Variants in OPCML observed in about 807,000 individuals in gnomAD.
OPCML encodes opioid binding protein/cell adhesion molecule like.
A neutral mutation model predicts 37.8 loss-of-function variants in OPCML; 13 were observed. The ratio of observed to expected loss-of-function variants is 0.34; its 90% CI spans 0.22 to 0.55. The LOEUF (loss-of-function observed/expected upper bound fraction) is 0.55, where lower values mean the gene tolerates loss of function less well. Ranked by LOEUF, OPCML falls within the 20% of genes least tolerant of loss-of-function variation. The pLI is 0.91. For synonymous variants in OPCML, 176 were observed against 168.8 expected (o/e 1.04, Z -0.33); for missense variants, 341 against 435.6 (o/e 0.78, Z 1.93).
chr11:132,512,909 T>C (rs763042720), intron 4 of OPCML, among the ~76,000 whole-genome samples: 2 of 151,966 alleles, frequency 1.3e-5, no homozygotes, highest in East Asian at 1.9e-4. Context: ...TTGATTAGGA[T>C]AGTGATTATA....
In OPCML at chr11:133,214,926, G is replaced by A. The variant is rs76841933; in HGVS notation, c.62-271916C>T. 4.1e-4 allele frequency among the ~76,000 whole-genome samples: 62 copies of A among 152,148 alleles called. No individual in the cohort carries two copies. The East Asian group carries it at 0.01, about 25-fold the overall frequency. ...CAAATGAGGCAATCTCTGACCCCTC[G>A]TTGGGCACCCAGAGCATATAAATAG... is the stretch of plus-strand genomic sequence containing the variant. On this transcript the variant is annotated intron_variant, in intron 1 of 7. Transcript: ENST00000524381.
intron 2 of OPCML, among the ~76,000 whole-genome samples, chr11:132,821,475 A>G (rs188425428): frequency 6.6e-6 from 1 of 152,342 alleles, no homozygotes; most frequent in East Asian, 1.9e-4. Context: ...GGGCAGCTAC[A>G]GGGAAGAGAA....
intron 3 of OPCML, among the ~76,000 whole-genome samples, chr11:132,547,131 C>T (rs1011579069): frequency 1.3e-5 from 2 of 152,156 alleles, no homozygotes; most frequent in African/African-American, 4.8e-5. Flanking sequence ...AAAAACCATG[C>T]TTGGCACATA....
intron 2 of OPCML, among the ~76,000 whole-genome samples, chr11:132,812,418 C>A (rs934431186): frequency 6.6e-5 from 10 of 152,048 alleles, no homozygotes; most frequent in African/African-American, 2.4e-4. Flanking sequence ...AAAGAAATAG[C>A]GTTGACACTC....
At chr11:132,842,454 T>C (rs193242339) in intron 2 of OPCML, among the ~76,000 whole-genome samples, 27 of 152,328 alleles carry the variant, frequency 1.8e-4, no homozygotes, top group African/African-American at 6.0e-4. Context: ...ACAAACTTGG[T>C]TTGAGGACCA....
At chr11:133,030,744 T>C (rs1185171362) in intron 1 of OPCML, among the ~76,000 whole-genome samples, 1 of 152,196 alleles carries the variant, frequency 6.6e-6, no homozygotes, top group Admixed American at 6.5e-5. Flanking sequence ...TATTTGGAGA[T>C]GATTTCAATG....
At chr11:132,753,958 T>C (rs145204172) in intron 2 of OPCML, among the ~76,000 whole-genome samples, 1 of 152,296 alleles carries the variant, frequency 6.6e-6, no homozygotes, top group East Asian at 1.9e-4. Flanking sequence ...AAGAGGCATG[T>C]TAAGTGGTAA....
intron 1 of OPCML, among the ~76,000 whole-genome samples, chr11:133,091,414 G>T (rs977274684): frequency 6.6e-6 from 1 of 152,142 alleles, no homozygotes. Context: ...AGAGTGCAAC[G>T]CCAGCCTGGG....
chr11:133,293,424 G>C (rs1942537417), intron 1 of OPCML, among the ~76,000 whole-genome samples: 1 of 152,164 alleles, frequency 6.6e-6, no homozygotes, highest in South Asian at 2.1e-4. Flanking sequence ...ATAGCTTTCA[G>C]ACTGAAGAGT....
At chr11:133,034,671 A>T (rs1947743142) in intron 1 of OPCML, among the ~76,000 whole-genome samples, 1 of 152,082 alleles carries the variant, frequency 6.6e-6, no homozygotes, top group Non-Finnish European at 1.5e-5. Flanking sequence ...CTCCAAGGAG[A>T]TCTATGATGC....
intron 1 of OPCML, among the ~76,000 whole-genome samples, chr11:133,209,507 A>T (rs1233874286): frequency 2.0e-5 from 3 of 152,352 alleles, no homozygotes; most frequent in Non-Finnish European, 4.4e-5. Flanking sequence ...TTTGCGAGAC[A>T]ACCTATCATT....
intron 1 of OPCML, chr11:133,007,976 A>G: frequency 1.0e-6 from 1 of 985,480 alleles, no homozygotes; most frequent in Non-Finnish European, 1.2e-6. Flanking sequence ...CCATGAGGAC[A>G]GGCACATGTC....
rs1351983243 is a variant in OPCML at position 132,445,853 on chromosome 11, T to C, written c.506-8494A>G. Among the ~76,000 whole-genome samples the C allele has an allele frequency of 1.6e-4, 25 of 152,306 alleles. No individual in the cohort carries two copies. The East Asian group carries it at 4.7e-3, about 28-fold the overall frequency. ...CAAGGAGTGTATGAGGATGTGCACA[T>C]CTTACAGTGTGCTCAGATCTCCTGT... On this transcript the variant is annotated intron_variant, in intron 4 of 7. Coordinates refer to ENST00000524381, the MANE Select transcript of OPCML (RefSeq NM_001012393.5).
intron 1 of OPCML, among the ~76,000 whole-genome samples, chr11:133,061,037 G>A (rs888409851): frequency 6.6e-6 from 1 of 152,222 alleles, no homozygotes; most frequent in Non-Finnish European, 1.5e-5. Context: ...TTATTTTCAT[G>A]TTTATTTTTA....
chr11:133,121,025 C>G (rs769742337), intron 1 of OPCML, among the ~76,000 whole-genome samples: 1 of 152,140 alleles, frequency 6.6e-6, no homozygotes, highest in African/African-American at 2.4e-5. Context: ...TGGGTTCAAG[C>G]GATTCTCATG....
chr11:132,502,175 C>A (rs938677015), intron 4 of OPCML, among the ~76,000 whole-genome samples: 2 of 152,170 alleles, frequency 1.3e-5, no homozygotes, highest in African/African-American at 2.4e-5. Flanking sequence ...TCTGCTGACA[C>A]GGGCAGTTTC....
At chr11:132,562,829 T>C (rs961385466) in intron 3 of OPCML, among the ~76,000 whole-genome samples, 2 of 152,094 alleles carry the variant, frequency 1.3e-5, no homozygotes, top group African/African-American at 4.8e-5. Context: ...TTTAAACAAA[T>C]TGGCTAACAT....
rs1303244175 is a variant in OPCML, at chr11:132,943,239, G to C, written c.62-229C>G. The C allele has an allele frequency of 1.4e-5, 17 of 1,199,370 alleles. No individual in the cohort carries two copies. Among genetic ancestry groups the C allele is most frequent in the Admixed American group, 1.3e-4 (5 of 38,026 alleles). The allele number at this position is 1,199,370 out of a possible 1,614,324, so 74.3% of individuals were successfully genotyped here. On this transcript the variant is annotated intron_variant, in intron 1 of 7. Coordinates refer to ENST00000524381, the MANE Select transcript of OPCML (RefSeq NM_001012393.5). The surrounding 1 kb of genome is among the most constrained non-coding windows in gnomAD (Gnocchi z 4.3). Reference sequence around the variant, plus strand: ...AGGGGGAAGGAGAAGAGAGGAGTCCGGGCTCTCCGGAGTCTGAGAATTCTT... The same window carrying C: ...AGGGGGAAGGAGAAGAGAGGAGTCCCGGCTCTCCGGAGTCTGAGAATTCTT...
intron 1 of OPCML, among the ~76,000 whole-genome samples, chr11:133,379,184 G>A (rs779075183): frequency 1.3e-5 from 2 of 152,142 alleles, no homozygotes; most frequent in African/African-American, 2.4e-5. Flanking sequence ...ATTCACAACC[G>A]TCTGTTACAT....
Sources: allele counts gnomAD v4.1 joint callset (sites outside exome capture counted in the v4.1 genomes callset), GRCh38; gene constraint gnomAD v4.1.1; non-coding constraint Gnocchi (gnomAD v3.1); transcripts MANE v1.5; gene names NCBI Gene and HGNC (gene_info 2026-07-23, HGNC 2026-07-21).